KANSL1L: variants seen among roughly 807,000 people sequenced by gnomAD.
KANSL1L encodes KAT8 regulatory NSL complex subunit 1 like, also known as KAT8 regulatory NSL complex subunit 1-like protein.
A neutral mutation model predicts 108.6 loss-of-function variants in KANSL1L; 25 were observed. The observed-to-expected ratio is 0.23, with a 90% CI of 0.17 to 0.32. The LOEUF is 0.32. KANSL1L is among the 10% of genes least tolerant of loss of function. KANSL1L has a pLI of 1.00. For synonymous variants in KANSL1L, 405 were observed against 395.1 expected (o/e 1.03, Z -0.30); for missense variants, 1,137 against 1,125.7 (o/e 1.01, Z -0.14).
intron 8 of KANSL1L, among the ~76,000 whole-genome samples, chr2:210,039,703 CAA>C (rs1460863068): frequency 1.3e-5 from 2 of 151,770 alleles, no homozygotes; most frequent in Admixed American, 6.6e-5. Context: ...ATAATTTCCT[CAA>C]GTTTTATTTT....
chr2:210,075,789 A>G (rs2094537948), intron 5 of KANSL1L, 33 bp from the exon 6 acceptor site: 3 of 1,506,572 alleles, frequency 2.0e-6, no homozygotes, highest in Middle Eastern at 3.6e-4. Flanking sequence ...GGGCGTGGGA[A>G]GGGAATAAAA....
intron 6 of KANSL1L, among the ~76,000 whole-genome samples, chr2:210,061,781 A>C (rs1038266076): frequency 3.9e-5 from 6 of 152,226 alleles, no homozygotes; most frequent in African/African-American, 1.4e-4. Flanking sequence ...CAGCCTTAGA[A>C]ACTACGTGAA....
At chr2:210,084,471 T>C (rs990478762) in intron 5 of KANSL1L, among the ~76,000 whole-genome samples, 2 of 152,116 alleles carry the variant, frequency 1.3e-5, no homozygotes, top group Non-Finnish European at 2.9e-5. Flanking sequence ...AAGTGGGAAA[T>C]AACTATTTTA....
chr2:210,027,371 T>C (rs970175158), intron 11 of KANSL1L, 21 bp from the exon 12 acceptor site: 1 of 1,578,250 alleles, frequency 6.3e-7, no homozygotes, highest in Non-Finnish European at 8.7e-7. Context: ...TAAAAACCAA[T>C]TTTAAACAGC....
At position 210,044,088 on chromosome 2, in the gene KANSL1L, TC is replaced by T; in HGVS notation, c.1771del (p.Glu591LysfsTer5). ...YWTPQTLPSK[E>X]TAFLNTTQMP... ...TTGTGTAGTGTTTAAAAATGCTGTT[TC>T]TTTTGAAGGCAAAGTCTGCAAGGAA... On this transcript the variant is annotated frameshift_variant, in exon 7 of 15. Transcript: ENST00000281772. LOFTEE classifies it high-confidence loss of function. The surrounding 1 kb of genome is among the most constrained non-coding windows in gnomAD (Gnocchi z 4.2). The T allele has an allele frequency of 6.3e-7, 1 of 1,586,132 alleles. No homozygotes were observed. Among genetic ancestry groups the T allele is most frequent in the Non-Finnish European group, 8.6e-7 (1 of 1,167,262 alleles).
intron 3 of KANSL1L, among the ~76,000 whole-genome samples, chr2:210,113,755 CAG>C (rs2094930012): frequency 1.3e-5 from 2 of 152,074 alleles, no homozygotes; most frequent in South Asian, 4.1e-4. Context: ...AGAAACCAAA[CAG>C]AAATTCTAGA....
intron 10 of KANSL1L, 44 bp from the exon 11 acceptor site, chr2:210,029,013 C>A: frequency 6.7e-7 from 1 of 1,498,910 alleles, no homozygotes; most frequent in Non-Finnish European, 9.0e-7. Flanking sequence ...TGTCTAGTTA[C>A]TTGTAATGAT....
chr2:210,048,906 C>G (rs962144169), intron 6 of KANSL1L, among the ~76,000 whole-genome samples: 1 of 152,100 alleles, frequency 6.6e-6, no homozygotes, highest in Non-Finnish European at 1.5e-5. Context: ...AAAACAAAAA[C>G]AAAAACACTT....
chr2:210,022,848 C>T lies in KANSL1L; in HGVS notation c.*101G>A, dbSNP rs1386904208. ...AAACAGCATAAAAGATTAATACATG[C>T]AGAACATGCTCTTATTCTGGAGGGG... On this transcript the variant is annotated 3_prime_UTR_variant, in exon 15 of 15. Coordinates refer to ENST00000281772, the MANE Select transcript of KANSL1L (RefSeq NM_152519.4). The T allele has an allele frequency of 3.9e-6, 3 of 778,718 alleles. No homozygotes were observed. Among genetic ancestry groups the T allele is most frequent in the African/African-American group, 1.7e-5 (1 of 57,230 alleles). The allele number at this position is 778,718 out of a possible 1,614,324, so 48.2% of individuals were successfully genotyped here.
At chr2:210,103,017 C>T (rs1484214869) in intron 4 of KANSL1L, among the ~76,000 whole-genome samples, 4 of 152,236 alleles carry the variant, frequency 2.6e-5, no homozygotes, top group Middle Eastern at 3.4e-3. Context: ...CACATGTACA[C>T]GTATGCTTAT....
chr2:210,136,655 A>T (rs1268705765), intron 2 of KANSL1L, among the ~76,000 whole-genome samples: 1 of 152,206 alleles, frequency 6.6e-6, no homozygotes, highest in Non-Finnish European at 1.5e-5. Context: ...AGTAAAATCC[A>T]GCAAGAGTTC....
chr2:210,103,056 T>G (rs896441395), intron 4 of KANSL1L, among the ~76,000 whole-genome samples: 11 of 152,124 alleles, frequency 7.2e-5, no homozygotes, highest in African/African-American at 2.7e-4. Flanking sequence ...AGCAAAGACT[T>G]GGAACCAACC....
upstream of KANSL1L, chr2:210,171,827 C>A (rs1472180717): frequency 6.6e-6 from 1 of 152,176 alleles, no homozygotes; most frequent in Non-Finnish European, 1.5e-5. Context: ...CGCCGCTCCA[C>A]AGGCGAGTTT....
chr2:210,090,024 G>T (rs553542173), intron 5 of KANSL1L, among the ~76,000 whole-genome samples: 1 of 152,252 alleles, frequency 6.6e-6, no homozygotes, highest in South Asian at 2.1e-4. Context: ...CCACACTAAA[G>T]CACTTTTTTT....
In KANSL1L at chr2:210,044,400, AATG is replaced by A. The variant is rs547129057; in HGVS notation, c.1756-299_1756-297del. On this transcript the variant is annotated intron_variant, in intron 6 of 14. Coordinates refer to ENST00000281772, the MANE Select transcript of KANSL1L (RefSeq NM_152519.4). The surrounding 1 kb of genome is among the most constrained non-coding windows in gnomAD (Gnocchi z 4.2). Reference sequence around the variant, plus strand: ...TGATTATCTAAACATACTAGCTGGGAATGATAACTGTAATTTTTTTCCTTCAAT... The same window carrying A: ...TGATTATCTAAACATACTAGCTGGGAATAACTGTAATTTTTTTCCTTCAAT... Among the ~76,000 whole-genome samples, 1 of 151,562 alleles carries A rather than the reference AATG, an allele frequency of 6.6e-6. No homozygotes were observed. The highest frequency in any genetic ancestry group is 1.5e-5 in the Non-Finnish European group (1 of 67,992).
chr2:210,056,825 A>C (rs2094356400), intron 6 of KANSL1L, among the ~76,000 whole-genome samples: 1 of 151,902 alleles, frequency 6.6e-6, no homozygotes, highest in South Asian at 2.1e-4. Flanking sequence ...ATATCAACAC[A>C]CCTCTAGAAG....
At chr2:210,038,064 A>G (rs780974585) in intron 8 of KANSL1L, among the ~76,000 whole-genome samples, 4 of 152,132 alleles carry the variant, frequency 2.6e-5, no homozygotes, top group East Asian at 1.9e-4. Flanking sequence ...CCATCCTTAT[A>G]TGAACTTTTA....
chr2:210,029,754 G>T, intron 10 of KANSL1L, 49 bp downstream of exon 10: 1 of 916,882 alleles, frequency 1.1e-6, no homozygotes, highest in Non-Finnish European at 1.7e-6. Flanking sequence ...AAAATCAGGT[G>T]TTTTTATTTT....
At chr2:210,157,224 C>T (rs1213107965) in intron 1 of KANSL1L, among the ~76,000 whole-genome samples, 1 of 152,104 alleles carries the variant, frequency 6.6e-6, no homozygotes, top group Non-Finnish European at 1.5e-5. Context: ...TTACAGCACT[C>T]CTCAAAAGAT....
Sources: gnomAD v4.1 joint callset for allele counts (sites outside exome capture counted in the v4.1 genomes callset) on GRCh38, gnomAD v4.1.1 for gene constraint, Gnocchi (gnomAD v3.1) non-coding constraint, MANE v1.5 for transcripts, NCBI Gene and HGNC (gene_info 2026-07-23, HGNC 2026-07-21) for gene names.